The following MAPK4 variants were observed in gnomAD, a reference collection of about 807,000 sequenced individuals.
MAPK4 encodes mitogen-activated protein kinase 4.
In MAPK4, 22 loss-of-function variants were observed where a neutral mutation model predicts 47.7. That is an observed-to-expected ratio of 0.46 (90% CI 0.33 to 0.66). The LOEUF (loss-of-function observed/expected upper bound fraction) is 0.66. MAPK4 is among the 30% of genes least tolerant of loss of function. MAPK4 has a pLI of 0.02. For synonymous variants in MAPK4, 390 were observed against 365.7 expected, an observed-to-expected ratio of 1.07 and a Z score of -0.76; for missense variants, 736 against 831.7, an observed-to-expected ratio of 0.88 and a Z score of 1.42.
intron 3 of MAPK4, among the ~76,000 whole-genome samples, chr18:50,717,220 A>AGCT (rs1910685959): frequency 6.6e-6 from 1 of 152,146 alleles, no homozygotes; most frequent in Non-Finnish European, 1.5e-5. Flanking sequence ...CATCACCCAG[A>AGCT]ACTGCTCAGG....
At chr18:50,693,862 C>G (rs1012758722) in intron 2 of MAPK4, among the ~76,000 whole-genome samples, 5 of 152,116 alleles carry the variant, frequency 3.3e-5, no homozygotes, top group African/African-American at 4.8e-5. Flanking sequence ...GGGCTTGACT[C>G]CAGGACTTCT....
rs781287223 is a variant in MAPK4 at position 50,663,940 on chromosome 18, C to G, written c.-19C>G. On this transcript the variant is annotated 5_prime_UTR_variant, in exon 2 of 6. Coordinates refer to ENST00000400384, the MANE Select transcript of MAPK4 (RefSeq NM_002747.4). Reference sequence around the variant, plus strand: ...CTGCCCCTGTGTTACCTGGGCAGCTCCAGATCACTGAGCCCACAATGGCTG... The same window carrying G: ...CTGCCCCTGTGTTACCTGGGCAGCTGCAGATCACTGAGCCCACAATGGCTG... 2 of 1,596,874 alleles carry G rather than the reference C, an allele frequency of 1.3e-6. No individual in the cohort carries two copies. The highest frequency in any genetic ancestry group is 1.7e-6 in the Non-Finnish European group (2 of 1,169,480).
intron 2 of MAPK4, among the ~76,000 whole-genome samples, chr18:50,680,440 C>A (rs1452429840): frequency 6.6e-6 from 1 of 152,124 alleles, no homozygotes; most frequent in Non-Finnish European, 1.5e-5. Context: ...ACATACCATA[C>A]AGTTCACCTA....
At chr18:50,690,564 A>G (rs1909155971) in intron 2 of MAPK4, among the ~76,000 whole-genome samples, 1 of 152,224 alleles carries the variant, frequency 6.6e-6, no homozygotes, top group Admixed American at 6.5e-5. Flanking sequence ...TTTTAACACT[A>G]ATATGAGAAG....
chr18:50,632,616 ATTTTTT>A (rs10531891), intron 1 of MAPK4, among the ~76,000 whole-genome samples: 2 of 122,328 alleles, frequency 1.6e-5, no homozygotes, highest in African/African-American at 3.2e-5. Flanking sequence ...GTCTGGTTTA[ATTTTTT>A]TTTTTTTTTT....
chr18:50,724,972 GGCAGAGCTCCAAGA>G (rs772622566), intron 4 of MAPK4, among the ~76,000 whole-genome samples: 37 of 152,282 alleles, frequency 2.4e-4, no homozygotes, highest in African/African-American at 7.5e-4. Flanking sequence ...GATAACCCAG[GGCAGAGCTCCAAGA>G]GCAGAGCTCC....
chr18:50,592,712 G>A (rs2042448329), intron 1 of MAPK4, among the ~76,000 whole-genome samples: 1 of 152,200 alleles, frequency 6.6e-6, no homozygotes, highest in African/African-American at 2.4e-5. Context: ...AGGCTGTCAT[G>A]TCTGTTGCTT....
At chr18:50,665,419 C>T (rs969637057) in intron 2 of MAPK4, among the ~76,000 whole-genome samples, 1 of 152,186 alleles carries the variant, frequency 6.6e-6, no homozygotes, top group Non-Finnish European at 1.5e-5. Context: ...GCCTGCTGCC[C>T]AAACCTTGAT....
intron 1 of MAPK4, among the ~76,000 whole-genome samples, chr18:50,648,687 C>T (rs1422675836): frequency 1.3e-5 from 2 of 152,182 alleles, no homozygotes; most frequent in African/African-American, 2.4e-5. Context: ...GATGTAGCAT[C>T]TAGGTATTTA....
intron 2 of MAPK4, among the ~76,000 whole-genome samples, chr18:50,702,751 T>C (rs987912768): frequency 2.6e-5 from 4 of 152,160 alleles, no homozygotes; most frequent in Admixed American, 1.3e-4. Flanking sequence ...GGTTTCATGA[T>C]AGTCTTTGCA....
intron 2 of MAPK4, chr18:50,669,428 G>C (rs1018004353): frequency 4.6e-5 from 7 of 152,332 alleles, no homozygotes; most frequent in African/African-American, 7.2e-5. Flanking sequence ...CACGGTGAGA[G>C]TGTGTTGCTC....
chr18:50,664,300 C>T lies in MAPK4; in HGVS notation c.342C>T (p.Arg114=), dbSNP rs754478756. The change falls in exon 2 of 6, where the codon CGC becomes CGT. Residue 114 remains arginine, a synonymous_variant. Transcript: ENST00000400384. This position sits in a 1 kb window ranked among gnomAD's most constrained non-coding sequence, Gnocchi z 6.0. ...VQEYMETDLA[R]LLEQGTLAEE... Reference sequence around the variant, plus strand: ...AGTACATGGAGACCGACCTGGCACGCCTGCTGGAGCAGGGCACGCTGGCAG... The same window carrying T: ...AGTACATGGAGACCGACCTGGCACGTCTGCTGGAGCAGGGCACGCTGGCAG... 8.1e-6 allele frequency: 13 copies of T among 1,613,552 alleles called. No individual in the cohort carries two copies. The highest frequency in any genetic ancestry group is 1.0e-5 in the Non-Finnish European group (12 of 1,179,774).
chr18:50,687,725 G>A (rs906786302), intron 2 of MAPK4, among the ~76,000 whole-genome samples: 27 of 152,170 alleles, frequency 1.8e-4, no homozygotes, highest in African/African-American at 6.5e-4. Context: ...GCAGTCTGCT[G>A]GGCAAACACT....
intron 3 of MAPK4, among the ~76,000 whole-genome samples, chr18:50,716,612 C>T (rs1281157870): frequency 2.6e-5 from 4 of 152,218 alleles, no homozygotes; most frequent in African/African-American, 7.2e-5. Flanking sequence ...GCCCCGTGGG[C>T]CTGCCTCCTT....
intron 1 of MAPK4, among the ~76,000 whole-genome samples, chr18:50,579,847 A>G (rs564104361): frequency 1.3e-5 from 2 of 152,294 alleles, no homozygotes; most frequent in East Asian, 3.9e-4. Context: ...CAGTGGGCTA[A>G]TTGTTGGCTA....
At chr18:50,714,174 C>G (rs1375506542) in intron 2 of MAPK4, among the ~76,000 whole-genome samples, 3 of 152,186 alleles carry the variant, frequency 2.0e-5, no homozygotes, top group Non-Finnish European at 4.4e-5. Context: ...TTGGTCCTAA[C>G]TGTCTCACCT....
intron 2 of MAPK4, among the ~76,000 whole-genome samples, chr18:50,671,008 T>A (rs759685230): frequency 7.2e-5 from 11 of 152,228 alleles, no homozygotes; most frequent in Non-Finnish European, 1.6e-4. Context: ...AAGCTGATGC[T>A]CCTGATGTGT....
At chr18:50,631,665 G>T (rs1042915257) in intron 1 of MAPK4, among the ~76,000 whole-genome samples, 2 of 152,130 alleles carry the variant, frequency 1.3e-5, no homozygotes, top group African/African-American at 4.8e-5. Context: ...CTCAGACTCT[G>T]ACTTCTGATG....
intron 1 of MAPK4, among the ~76,000 whole-genome samples, chr18:50,622,964 T>A (rs543441178): frequency 6.6e-6 from 1 of 152,350 alleles, no homozygotes; most frequent in Non-Finnish European, 1.5e-5. Context: ...AAGATTTTTA[T>A]TTTCAGGAAC....
Sources: allele counts gnomAD v4.1 joint callset (sites outside exome capture counted in the v4.1 genomes callset), GRCh38; gene constraint gnomAD v4.1.1; non-coding constraint Gnocchi (gnomAD v3.1); transcripts MANE v1.5; gene names NCBI Gene and HGNC (gene_info 2026-07-23, HGNC 2026-07-21).